DCAF6: variants seen among roughly 807,000 people sequenced by gnomAD.
DCAF6 encodes the protein DDB1 and CUL4 associated factor 6.
In DCAF6, 54 loss-of-function variants were observed where a neutral mutation model predicts 125.1. The observed-to-expected ratio is 0.43, with a 90% CI of 0.35 to 0.54. DCAF6 has a LOEUF of 0.54. Ranked by LOEUF, DCAF6 falls within the 20% of genes least tolerant of loss-of-function variation. DCAF6 has a pLI of 0.01. For synonymous variants in DCAF6, 371 were observed against 390.4 expected (o/e 0.95, Z 0.58); for missense variants, 934 against 1,161.7 (o/e 0.80, Z 2.85).
chr1:167,940,956 T>C (rs1163206463), intron 1 of DCAF6, among the ~76,000 whole-genome samples: 1 of 152,210 alleles, frequency 6.6e-6, no homozygotes, highest in Non-Finnish European at 1.5e-5. Context: ...GTCCTTTGAA[T>C]ATCATTAGAG....
At chr1:168,004,108 T>G in intron 9 of DCAF6, 119 bp downstream of exon 9, 2 of 1,244,256 alleles carry the variant, frequency 1.6e-6, no homozygotes, top group Non-Finnish European at 2.2e-6. Flanking sequence ...ATCACAAGGT[T>G]CTTATTGTGT....
intron 7 of DCAF6, among the ~76,000 whole-genome samples, chr1:168,000,819 AG>A (rs1360739865): frequency 1.3e-5 from 2 of 152,102 alleles, no homozygotes; most frequent in Non-Finnish European, 2.9e-5. Flanking sequence ...GAAGTAGATT[AG>A]TGGTTGCCAG....
chr1:167,967,256 A>C (rs1203776382), intron 3 of DCAF6, among the ~76,000 whole-genome samples: 1 of 152,190 alleles, frequency 6.6e-6, no homozygotes, highest in Non-Finnish European at 1.5e-5. Flanking sequence ...TTCTTGAGGT[A>C]CTGAGAAAAT....
At chr1:167,865,288 GT>G in the DCAF6 span, among the ~76,000 whole-genome samples, 2 of 152,128 alleles carry the variant, frequency 1.3e-5, no homozygotes, top group African/African-American at 2.4e-5. Context: ...AATGTTAATT[GT>G]AAAAAAAAAT....
Position 168,063,538 on chromosome 1 carries a change from C to T in DCAF6, c.2301-83C>T, listed in dbSNP as rs530530905. The T allele has an allele frequency of 1.2e-5, 15 of 1,205,096 alleles. 1 individual carries two copies. In the South Asian group the frequency reaches 2.9e-4, roughly 23 times the overall value. 74.7% of individuals were successfully genotyped at this position (1,205,096 alleles called of 1,614,324 possible). A position where few individuals can be genotyped will look rare whatever the true frequency, so the allele number is the denominator to read the frequency against. Reference sequence around the variant, plus strand: ...ATAGTGTGTTTATGTATTTCCTAGACTTACTATATTTTCATAAGTTTCTCA... The same window carrying T: ...ATAGTGTGTTTATGTATTTCCTAGATTTACTATATTTTCATAAGTTTCTCA... On this transcript the variant is annotated intron_variant, in intron 17 of 21. Transcript: ENST00000367840.
At chr1:167,918,934 G>A in the DCAF6 span, among the ~76,000 whole-genome samples, 2 of 151,980 alleles carry the variant, frequency 1.3e-5, no homozygotes, top group East Asian at 3.9e-4. Flanking sequence ...ATAGTTTCCT[G>A]TGCAAAAGTA....
At chr1:167,898,132 T>C in the DCAF6 span, among the ~76,000 whole-genome samples, 1 of 150,032 alleles carries the variant, frequency 6.7e-6, no homozygotes, top group African/African-American at 2.5e-5. Context: ...AACTAGTGCA[T>C]AGTATTGTAC....
At chr1:167,941,235 A>C (rs556376425) in intron 1 of DCAF6, among the ~76,000 whole-genome samples, 1 of 152,200 alleles carries the variant, frequency 6.6e-6, no homozygotes, top group East Asian at 1.9e-4. Context: ...ATGACGGTCA[A>C]TTGTGACAAA....
chr1:167,941,203 T>C (rs920364104), intron 1 of DCAF6, among the ~76,000 whole-genome samples: 1 of 152,168 alleles, frequency 6.6e-6, no homozygotes, highest in Non-Finnish European at 1.5e-5. Flanking sequence ...AGCTGAAAAA[T>C]GTATGATTTT....
chr1:168,038,031 T>C (rs1045925719), intron 12 of DCAF6, among the ~76,000 whole-genome samples: 3 of 152,194 alleles, frequency 2.0e-5, no homozygotes, highest in African/African-American at 7.2e-5. Context: ...TGAGGAATTA[T>C]GAGCATTCCA....
intron 4 of DCAF6, among the ~76,000 whole-genome samples, chr1:167,986,748 T>TG (rs1462157822): frequency 1.3e-5 from 2 of 152,308 alleles, no homozygotes; most frequent in East Asian, 3.9e-4. Flanking sequence ...GCTCACTACC[T>TG]GCTTTGCTGC....
rs564813650 is a variant in DCAF6, at chr1:167,991,879, GAGGTGGGCCCTGGATT to G, written c.688+552_688+567del. ...GGCCCACCCCTAATCCAGTTAGGGT[GAGGTGGGCCCTGGATT>G]AGGTGGGCCCTAATCCAGTATGACC... On this transcript the variant is annotated intron_variant, in intron 6 of 21. Transcript: ENST00000367840. 1.5e-4 allele frequency among the ~76,000 whole-genome samples: 23 copies of G among 152,226 alleles called. No homozygotes were observed. In the South Asian group the frequency reaches 3.9e-3, roughly 26 times the overall value.
rs1239526601 is a variant in DCAF6, at chr1:168,049,428, G to GT, written c.2259-1462dup. Among the ~76,000 whole-genome samples, 502 of 67,314 alleles carry GT rather than the reference G, an allele frequency of 7.5e-3. 2 individuals carry two copies. The highest frequency in any genetic ancestry group is 0.013 in the East Asian group (28 of 2,232). The allele number at this position is 67,314 out of a possible 152,430, so 44.2% of individuals were successfully genotyped here. ...CTGCTAATTTGTTGTTGTTGTTGTT[G>GT]TTGTTTTTTTTTTTTTTTTTTTTTA... On this transcript the variant is annotated intron_variant, in intron 16 of 21. Coordinates refer to ENST00000367840, the MANE Select transcript of DCAF6 (RefSeq NM_001198956.2).
At chr1:167,990,673 A>G (rs115270655) in intron 5 of DCAF6, among the ~76,000 whole-genome samples, 1 of 152,160 alleles carries the variant, frequency 6.6e-6, no homozygotes, top group Non-Finnish European at 1.5e-5. Flanking sequence ...TCACATAAAT[A>G]TGAGTTTCTT....
chr1:167,925,606 G>T, the DCAF6 span, among the ~76,000 whole-genome samples: 1 of 147,818 alleles, frequency 6.8e-6, no homozygotes, highest in South Asian at 2.1e-4. Flanking sequence ...GAGTGCAATG[G>T]CACAATCTCG....
chr1:167,869,345 C>A, the DCAF6 span, among the ~76,000 whole-genome samples: 1 of 152,186 alleles, frequency 6.6e-6, no homozygotes, highest in Non-Finnish European at 1.5e-5. Context: ...CACTATCAAT[C>A]TATTGCACAA....
chr1:168,043,210 T>G, intron 14 of DCAF6, 70 bp downstream of exon 14: 1 of 1,116,144 alleles, frequency 9.0e-7, no homozygotes, highest in South Asian at 1.3e-5. Flanking sequence ...TCCTGTTCCC[T>G]TCGATGCTGT....
chr1:167,888,872 T>A, the DCAF6 span, among the ~76,000 whole-genome samples: 1 of 81,784 alleles, frequency 1.2e-5, no homozygotes, highest in Admixed American at 1.5e-4. Context: ...GGAGACTCCG[T>A]CTCAAAAAAA....
the DCAF6 span, among the ~76,000 whole-genome samples, chr1:167,915,642 G>A: frequency 2.0e-4 from 31 of 152,132 alleles, no homozygotes; most frequent in East Asian, 4.4e-3. Flanking sequence ...GTAGAGATGC[G>A]GTTTCACCAT....
Sources: allele counts gnomAD v4.1 joint callset (sites outside exome capture counted in the v4.1 genomes callset), GRCh38; gene constraint gnomAD v4.1.1; transcripts MANE v1.5; gene names NCBI Gene and HGNC (gene_info 2026-07-23, HGNC 2026-07-21).